The following RAB11FIP5 variants were observed in gnomAD, a reference collection of about 807,000 sequenced individuals.
RAB11FIP5 encodes rab11 family-interacting protein 5.
A neutral mutation model predicts 85.1 loss-of-function variants in RAB11FIP5; 48 were observed. The ratio of observed to expected loss-of-function variants is 0.56; its 90% confidence interval spans 0.45 to 0.72. The LOEUF is 0.72. RAB11FIP5 is among the 30% of genes least tolerant of loss of function. RAB11FIP5 has a pLI of 0.00. For synonymous variants in RAB11FIP5, 729 were observed against 727.3 expected (o/e 1.00, Z -0.04); for missense variants, 1,491 against 1,687.0 (o/e 0.88, Z 2.04).
At position 73,089,267 on chromosome 2, in the gene RAB11FIP5, G is replaced by A. The variant is rs370453363; in HGVS notation, c.480C>T (p.Gly160=). 9 of 1,613,938 alleles carry A rather than the reference G, an allele frequency of 5.6e-6. No homozygotes were observed. The highest frequency in any genetic ancestry group is 1.1e-5 in the South Asian group (1 of 91,092). The change falls in exon 2 of 6, where the codon GGC becomes GGT. Residue 160 remains glycine (G), a synonymous_variant. Transcript: ENST00000486777. The surrounding 1 kb of genome is among the most constrained non-coding windows in gnomAD (Gnocchi z 4.6). ...TGAACTGGATGGTGACTTCAATCTC[G>A]CCGCGTTCCTTCTCCTTCTTGCCTG... ...SKPGKKEKER[G]EIEVTIQFTR...
In RAB11FIP5 at chr2:73,086,750, G is replaced by A. The variant is rs538416144; in HGVS notation, c.1568+1300C>T. On this transcript the variant is annotated intron_variant, in intron 3 of 5. Coordinates refer to ENST00000486777, the MANE Select transcript of RAB11FIP5 (RefSeq NM_001371272.1). This position sits in a 1 kb window ranked among gnomAD's most constrained non-coding sequence, Gnocchi z 4.4. ...CTTCTTCCCAATCTTCCCCTAGGCC[G>A]CAGATGGCCAGCAGCTCACCTGAGC... Among the ~76,000 whole-genome samples the A allele has an allele frequency of 2.9e-4, 44 of 152,264 alleles. No homozygotes were observed. The highest frequency in any genetic ancestry group is 9.9e-4 in the African/African-American group (41 of 41,536).
At chr2:73,112,176 G>A (rs1042005038) in intron 1 of RAB11FIP5, among the ~76,000 whole-genome samples, 171 bp downstream of exon 1, 4 of 152,228 alleles carry the variant, frequency 2.6e-5, no homozygotes, top group Non-Finnish European at 4.4e-5. Flanking sequence ...GCACGTTTGG[G>A]AAGCTTGAAG....
chr2:73,112,825 G>C lies in RAB11FIP5; in HGVS notation c.-48C>G, dbSNP rs1684698047. 1.0e-5 allele frequency: 14 copies of C among 1,349,434 alleles called. No homozygotes were observed. Among genetic ancestry groups the C allele is most frequent in the Non-Finnish European group, 1.3e-5 (14 of 1,056,964 alleles). The allele number at this position is 1,349,434 out of a possible 1,614,324, so 83.6% of individuals were successfully genotyped here. ...TCTGGCCGAGCCGGTGCAGACCCCA[G>C]GACCTGGTGACAAACCCGGCCGCGG... On this transcript the variant is annotated 5_prime_UTR_variant, in exon 1 of 6. Transcript: ENST00000486777.
At position 73,074,876 on chromosome 2, in the gene RAB11FIP5, A is replaced by G. The variant is rs761742146; in HGVS notation, c.*645T>C. On this transcript the variant is annotated 3_prime_UTR_variant, in exon 6 of 6. Coordinates refer to ENST00000486777, the MANE Select transcript of RAB11FIP5 (RefSeq NM_001371272.1). ...GAGGGGTCAGGGAGCAGCCTGAAGC[A>G]CACACATCATCCACCACTGTCCACA... The G allele has an allele frequency of 3.5e-6, 1 of 284,186 alleles. No homozygotes were observed. Among genetic ancestry groups the G allele is most frequent in the African/African-American group, 2.2e-5 (1 of 46,046 alleles). The allele number at this position is 284,186 out of a possible 1,614,324, so 17.6% of individuals were successfully genotyped here. A position where few individuals can be genotyped will look rare whatever the true frequency, so the allele number is the denominator to read the frequency against.
chr2:73,110,665 CTA>C (rs1684638611), intron 1 of RAB11FIP5, among the ~76,000 whole-genome samples: 1 of 152,194 alleles, frequency 6.6e-6, no homozygotes, highest in Admixed American at 6.5e-5. Context: ...CCACCTGGAC[CTA>C]CAAGCTTGGC....
chr2:73,112,941 G>A lies in RAB11FIP5; in HGVS notation c.-164C>T, dbSNP rs963750353. Reference sequence around the variant, plus strand: ...CCGGCCGCCGCCTCCCCGCCTCACCGGGCCGCTGGCCGCGGGCCGCGCCGC... The same window carrying A: ...CCGGCCGCCGCCTCCCCGCCTCACCAGGCCGCTGGCCGCGGGCCGCGCCGC... On this transcript the variant is annotated 5_prime_UTR_variant, in exon 1 of 6. Coordinates refer to ENST00000486777, the MANE Select transcript of RAB11FIP5 (RefSeq NM_001371272.1). The A allele has an allele frequency of 1.4e-5, 6 of 426,236 alleles. No homozygotes were observed. In the South Asian group the frequency reaches 5.3e-4, roughly 37 times the overall value. 26.4% of individuals were successfully genotyped at this position (426,236 alleles called of 1,614,324 possible). A position where few individuals can be genotyped will look rare whatever the true frequency, so the allele number is the denominator to read the frequency against.
At chr2:73,082,831 C>T (rs1446531331) in intron 3 of RAB11FIP5, among the ~76,000 whole-genome samples, 1 of 152,218 alleles carries the variant, frequency 6.6e-6, no homozygotes, top group Non-Finnish European at 1.5e-5. Context: ...CGGGCAGGGG[C>T]GTGCTCTCAA....
In RAB11FIP5 at chr2:73,076,194, T is replaced by C; in HGVS notation, c.3582-12A>G. On this transcript the variant is annotated splice_polypyrimidine_tract_variant and intron_variant, in intron 4 of 5. Transcript: ENST00000486777. Reference sequence around the variant, plus strand: ...TCACGGGGTGGGGACTGCAAAGACATACAAGAGATGGGTTACACAGAGAGA... The same window carrying C: ...TCACGGGGTGGGGACTGCAAAGACACACAAGAGATGGGTTACACAGAGAGA... The C allele has an allele frequency of 1.3e-6, 2 of 1,588,452 alleles. No individual in the cohort carries two copies. Among genetic ancestry groups the C allele is most frequent in the Non-Finnish European group, 1.7e-6 (2 of 1,159,672 alleles).
intron 1 of RAB11FIP5, among the ~76,000 whole-genome samples, chr2:73,106,484 T>TC (rs368169481): frequency 6.6e-6 from 1 of 151,898 alleles, no homozygotes; most frequent in Non-Finnish European, 1.5e-5. Context: ...TATCCAGGCT[T>TC]CCCCCCCTTT....
intron 1 of RAB11FIP5, among the ~76,000 whole-genome samples, chr2:73,091,929 C>T (rs567233033): frequency 3.3e-5 from 5 of 152,180 alleles, no homozygotes; most frequent in East Asian, 1.9e-4. Flanking sequence ...AGAAAATGCC[C>T]GAGCGGGTGC....
intron 3 of RAB11FIP5, 115 bp downstream of exon 3, chr2:73,087,935 C>T (rs1236908873): frequency 2.9e-6 from 3 of 1,048,110 alleles, no homozygotes; most frequent in Non-Finnish European, 4.2e-6. Context: ...AAAGCCAGAG[C>T]CCCAGCAGCC....
rs1022879909 is a variant in RAB11FIP5, at chr2:73,089,886, C to T, written c.432-571G>A. ...GTGCATACACTCATGTATGTATACA[C>T]ACACACACACACACACACACACACA... On this transcript the variant is annotated intron_variant, in intron 1 of 5. Transcript: ENST00000486777. This position sits in a 1 kb window ranked among gnomAD's most constrained non-coding sequence, Gnocchi z 4.6. Among the ~76,000 whole-genome samples, 2 of 44,924 alleles carry T rather than the reference C, an allele frequency of 4.5e-5. No individual in the cohort carries two copies. Among genetic ancestry groups the T allele is most frequent in the Non-Finnish European group, 7.9e-5 (2 of 25,324 alleles). The allele number at this position is 44,924 out of a possible 152,430, so 29.5% of individuals were successfully genotyped here.
chr2:73,081,494 C>CA lies in RAB11FIP5; in HGVS notation c.1737_1738insT (p.Ala580CysfsTer7). ...GTGGCTTCAGGGGCGGCGGTGGTGG[C>CA]GGCAGCGGCAGCAGTGGCAGCAGCG... On this transcript the variant is annotated frameshift_variant, in exon 4 of 6. Transcript: ENST00000486777. LOFTEE classifies it high-confidence loss of function. The surrounding 1 kb of genome is among the most constrained non-coding windows in gnomAD (Gnocchi z 4.2). The CA allele has an allele frequency of 8.1e-7, 1 of 1,234,192 alleles. No homozygotes were observed. Among genetic ancestry groups the CA allele is most frequent in the Non-Finnish European group, 1.0e-6 (1 of 989,450 alleles). 76.5% of individuals were successfully genotyped at this position (1,234,192 alleles called of 1,614,324 possible).
intron 1 of RAB11FIP5, among the ~76,000 whole-genome samples, chr2:73,107,035 C>A (rs1253099972): frequency 6.6e-6 from 1 of 152,210 alleles, no homozygotes; most frequent in African/African-American, 2.4e-5. Flanking sequence ...AAGTCCCTCT[C>A]CTCTCTGGCC....
rs1684170140 is a variant in RAB11FIP5 at position 73,089,652 on chromosome 2, A to C, written c.432-337T>G. 17 of 385,606 alleles carry C rather than the reference A, an allele frequency of 4.4e-5. No individual in the cohort carries two copies. The highest frequency in any genetic ancestry group is 6.4e-5 in the East Asian group (1 of 15,692). 23.9% of individuals were successfully genotyped at this position (385,606 alleles called of 1,614,324 possible). A position where few individuals can be genotyped will look rare whatever the true frequency, so the allele number is the denominator to read the frequency against. Reference sequence around the variant, plus strand: ...CTCTCCTCTGCCCCATCTCCCCTACATCTGAAACTCTGAGGCCCAGAGGGG... The same window carrying C: ...CTCTCCTCTGCCCCATCTCCCCTACCTCTGAAACTCTGAGGCCCAGAGGGG... On this transcript the variant is annotated intron_variant, in intron 1 of 5. Transcript: ENST00000486777. The surrounding 1 kb of genome is among the most constrained non-coding windows in gnomAD (Gnocchi z 4.6).
chr2:73,079,676 C>T lies in RAB11FIP5; in HGVS notation c.3556G>A (p.Ala1186Thr). Reference protein sequence around the residue: ...LVLLPLETRPAEEPQPSASPH... With the variant: ...LVLLPLETRPTEEPQPSASPH... ...CTGGCACTGGGCTGTGGCTCCTCAGCTGGTCGTGTCTCCAAGGGCAGAAGC... is the reference window on the plus strand; with the variant it reads ...CTGGCACTGGGCTGTGGCTCCTCAGTTGGTCGTGTCTCCAAGGGCAGAAGC... The change falls in exon 4 of 6, where the codon GCT (alanine) becomes ACT (threonine). Residue 1186 changes from alanine to threonine, a missense_variant. Ala to Thr is a moderately conservative substitution (Grantham distance 58, BLOSUM62 0). Around this residue, in one of 3 missense-constraint regions of RAB11FIP5, gnomAD observed 232 missense variants for 259.1 expected, o/e 0.90. Coordinates refer to ENST00000486777, the MANE Select transcript of RAB11FIP5 (RefSeq NM_001371272.1). The T allele has an allele frequency of 8.1e-7, 1 of 1,233,416 alleles. No homozygotes were observed. Among genetic ancestry groups the T allele is most frequent in the Non-Finnish European group, 1.0e-6 (1 of 988,964 alleles). 76.4% of individuals were successfully genotyped at this position (1,233,416 alleles called of 1,614,324 possible).
In RAB11FIP5 at chr2:73,080,828, G is replaced by C. The variant is rs1244280987; in HGVS notation, c.2404C>G (p.Pro802Ala). Residue 802 changes from proline to alanine, a missense_variant, in exon 4 of 6, where the codon CCG (proline) becomes GCG (alanine). This residue lies in a region of RAB11FIP5 where 1,211 missense variants were observed against 1,338.0 expected (regional missense o/e 0.91). Coordinates refer to ENST00000486777, the MANE Select transcript of RAB11FIP5 (RefSeq NM_001371272.1). ...PEVISVWERL[P>A]GPESAAEGQD... ...CCCTCAGCAGCGCTCTCTGGGCCCG[G>C]CAGCCTCTCCCACACACTGATCACT... The C allele has an allele frequency of 3.2e-6, 4 of 1,232,256 alleles. No individual in the cohort carries two copies. Among genetic ancestry groups the C allele is most frequent in the Non-Finnish European group, 3.0e-6 (3 of 988,132 alleles). 76.3% of individuals were successfully genotyped at this position (1,232,256 alleles called of 1,614,324 possible). A position where few individuals can be genotyped will look rare whatever the true frequency, so the allele number is the denominator to read the frequency against.
rs765732373 is a variant in RAB11FIP5 at position 73,089,395 on chromosome 2, G to A, written c.432-80C>T. On this transcript the variant is annotated intron_variant, in intron 1 of 5. Transcript: ENST00000486777. This position sits in a 1 kb window ranked among gnomAD's most constrained non-coding sequence, Gnocchi z 4.6. ...CCCGCCCGGTACCAGGCACTGCCCA[G>A]ACCCCTCCTTGCTCTGAGAGCCACT... is the stretch of plus-strand genomic sequence containing the variant. The A allele has an allele frequency of 2.8e-6, 4 of 1,433,072 alleles. No individual in the cohort carries two copies. The highest frequency in any genetic ancestry group is 3.3e-5 in the Admixed American group (2 of 59,786). The allele number at this position is 1,433,072 out of a possible 1,614,324, so 88.8% of individuals were successfully genotyped here. A position where few individuals can be genotyped will look rare whatever the true frequency, so the allele number is the denominator to read the frequency against.
intron 3 of RAB11FIP5, 97 bp downstream of exon 3, chr2:73,087,953 G>A: frequency 8.2e-7 from 1 of 1,213,500 alleles, no homozygotes; most frequent in Non-Finnish European, 1.2e-6. Flanking sequence ...GCCTGCCTGA[G>A]GTCCATATCT....
Sources: gnomAD v4.1 joint callset for allele counts (sites outside exome capture counted in the v4.1 genomes callset) on GRCh38, gnomAD v4.1.1 for gene constraint, gnomAD v4.1.1 regional missense constraint, Gnocchi (gnomAD v3.1) non-coding constraint, MANE v1.5 for transcripts, NCBI Gene and HGNC (gene_info 2026-07-23, HGNC 2026-07-21) for gene names.